TTC7A: variants seen among roughly 807,000 people sequenced by gnomAD.
TTC7A encodes the protein tetratricopeptide repeat domain 7A, also known as tetratricopeptide repeat protein 7A.
A neutral mutation model predicts 103.7 loss-of-function variants in TTC7A; 110 were observed. The observed-to-expected ratio is 1.06, with a 90% CI of 0.91 to 1.24. TTC7A has a LOEUF of 1.24. TTC7A is among the 50% of genes most tolerant of loss of function. TTC7A has a pLI of 0.00. For synonymous variants in TTC7A, 521 were observed against 467.9 expected (o/e 1.11, Z -1.47); for missense variants, 1,340 against 1,116.3 (o/e 1.20, Z -2.86).
intron 15 of TTC7A, among the ~76,000 whole-genome samples, chr2:47,031,005 G>A (rs937192055): frequency 1.6e-4 from 25 of 152,152 alleles, no homozygotes; most frequent in African/African-American, 5.8e-4. Context: ...AAATTAGCTC[G>A]GTGTGATGGC....
intron 2 of TTC7A, among the ~76,000 whole-genome samples, chr2:46,926,847 T>C (rs1669409521): frequency 6.6e-6 from 1 of 152,242 alleles, no homozygotes; most frequent in African/African-American, 2.4e-5. Context: ...TGTTAAACAC[T>C]GCTTACTATC....
At chr2:46,939,281 G>A (rs1438291552), upstream of TTC7A, among the ~76,000 whole-genome samples, 1 of 151,634 alleles carries the variant, frequency 6.6e-6, no homozygotes, top group East Asian at 2.0e-4. Flanking sequence ...TTGGCCAGGC[G>A]CAGTGGCTCA....
At chr2:47,005,742 CT>C (rs759606342) in intron 8 of TTC7A, among the ~76,000 whole-genome samples, 179 bp from the exon 9 acceptor site, 2 of 152,160 alleles carry the variant, frequency 1.3e-5, no homozygotes, top group Non-Finnish European at 2.9e-5. Context: ...GATTTTCTCT[CT>C]TGGAGAGGGC....
At chr2:46,977,852 C>T (rs965193988) in intron 4 of TTC7A, among the ~76,000 whole-genome samples, 5 of 152,192 alleles carry the variant, frequency 3.3e-5, no homozygotes, top group African/African-American at 7.2e-5. Context: ...GGATTATAAA[C>T]GTGAGCCACC....
In TTC7A at chr2:47,005,900, CCAAA is replaced by C. The variant is rs781771977; in HGVS notation, c.1066-18_1066-15del. On this transcript the variant is annotated intron_variant, in intron 8 of 19. Coordinates refer to ENST00000319190, the MANE Select transcript of TTC7A (RefSeq NM_020458.4). ...GCTTATCTACTCTCCTCACTCTTTC[CCAAA>C]CAATGTCCCACCCACAGGCAACTCG... The C allele has an allele frequency of 3.1e-6, 5 of 1,613,654 alleles. No homozygotes were observed. The African/African-American group carries it at 4.0e-5, about 13-fold the overall frequency.
chr2:47,005,530 C>G (rs979486201), intron 8 of TTC7A, among the ~76,000 whole-genome samples: 13 of 152,232 alleles, frequency 8.5e-5, no homozygotes, highest in African/African-American at 3.1e-4. Flanking sequence ...AGACATGGCA[C>G]CTGAATACAA....
rs80277650 is a variant in TTC7A, at chr2:47,042,602, C to T, written c.1803-3713C>T. Among the ~76,000 whole-genome samples, 1,116 of 152,054 alleles carry T rather than the reference C, an allele frequency of 7.3e-3. 15 individuals are homozygous for T. Among genetic ancestry groups the T allele is most frequent in the African/African-American group, 0.025 (1,050 of 41,460 alleles). On this transcript the variant is annotated intron_variant, in intron 15 of 19. Coordinates refer to ENST00000319190, the MANE Select transcript of TTC7A (RefSeq NM_020458.4). ...TAACCAACTCAAAATATAAAATATG[C>T]CAAAGTATATTTTGGGGTGGCATAT...
chr2:46,932,896 A>G (rs994607183), intron 2 of TTC7A, among the ~76,000 whole-genome samples: 38 of 145,422 alleles, frequency 2.6e-4, no homozygotes, highest in Non-Finnish European at 4.7e-4. Context: ...GTGAGACTCC[A>G]TCTCAAAAAA....
chr2:47,051,986 T>C (rs939429961), intron 18 of TTC7A, 106 bp downstream of exon 18: 1 of 1,420,984 alleles, frequency 7.0e-7, no homozygotes, highest in Admixed American at 2.2e-5. Flanking sequence ...GACACCTTGC[T>C]AGGCCCACGC....
rs1482937341 is a variant in TTC7A, at chr2:47,049,985, C to T, written c.1956C>T (p.Leu652=). The change falls in exon 17 of 20, where the codon CTC becomes CTT. Residue 652 remains leucine, a synonymous_variant. Coordinates refer to ENST00000319190, the MANE Select transcript of TTC7A (RefSeq NM_020458.4). ...LEKDGSFGEG[L]TMKKQSGMHL... Reference sequence around the variant, plus strand: ...AGGATGGCAGCTTCGGTGAGGGCCTCACCATGAAGAAGCAGAGTGGCATGC... The same window carrying T: ...AGGATGGCAGCTTCGGTGAGGGCCTTACCATGAAGAAGCAGAGTGGCATGC... 4 of 1,614,080 alleles carry T rather than the reference C, an allele frequency of 2.5e-6. No individual in the cohort carries two copies. Among genetic ancestry groups the T allele is most frequent in the Admixed American group, 3.3e-5 (2 of 60,008 alleles).
chr2:46,980,216 CTTT>C (rs5830931), intron 5 of TTC7A, among the ~76,000 whole-genome samples: 33 of 124,092 alleles, frequency 2.7e-4, no homozygotes, highest in Middle Eastern at 4.5e-3. Flanking sequence ...TACTCTCTCT[CTTT>C]TTTTTTTTTT....
intron 19 of TTC7A, among the ~76,000 whole-genome samples, chr2:47,062,404 G>T (rs1490533754): frequency 3.3e-5 from 5 of 152,226 alleles, no homozygotes; most frequent in Non-Finnish European, 5.9e-5. Context: ...ATACACCCTT[G>T]TCCATGTTCC....
chr2:47,060,318 T>A (rs1201459954), intron 18 of TTC7A, among the ~76,000 whole-genome samples: 1 of 152,056 alleles, frequency 6.6e-6, no homozygotes, highest in Non-Finnish European at 1.5e-5. Context: ...TACAGTGAGC[T>A]GAGATCGCGC....
chr2:46,991,356 C>A (rs1317790732), intron 5 of TTC7A, among the ~76,000 whole-genome samples: 1 of 151,154 alleles, frequency 6.6e-6, no homozygotes, highest in South Asian at 2.1e-4. Flanking sequence ...TCTGGCCAGG[C>A]GTGGTGGTGG....
At chr2:46,924,310 C>T (rs1669275866) in intron 2 of TTC7A, among the ~76,000 whole-genome samples, 1 of 151,694 alleles carries the variant, frequency 6.6e-6, no homozygotes, top group African/African-American at 2.4e-5. Context: ...GGTATCAGCT[C>T]ATCAACATTC....
intron 19 of TTC7A, among the ~76,000 whole-genome samples, chr2:47,071,698 G>C: frequency 6.6e-6 from 1 of 152,042 alleles, no homozygotes; most frequent in Non-Finnish European, 1.5e-5. Flanking sequence ...CCTCCCTACA[G>C]ACACACACAG....
chr2:46,921,536 T>A (rs1669102667), intron 2 of TTC7A, among the ~76,000 whole-genome samples: 1 of 152,206 alleles, frequency 6.6e-6, no homozygotes, highest in Non-Finnish European at 1.5e-5. Flanking sequence ...TACTCTTTTG[T>A]CTCTTGTCAA....
chr2:47,006,136 C>A, intron 9 of TTC7A, 77 bp downstream of exon 9: 2 of 1,552,910 alleles, frequency 1.3e-6, no homozygotes, highest in Non-Finnish European at 1.7e-6. Flanking sequence ...AGCCATTTGT[C>A]CCTTCTCCAC....
intron 15 of TTC7A, among the ~76,000 whole-genome samples, chr2:47,041,054 A>G (rs1268611756): frequency 3.9e-5 from 6 of 152,170 alleles, no homozygotes; most frequent in Non-Finnish European, 7.3e-5. Context: ...GGCCTTGCCC[A>G]GTGACTGTCC....
Sources: allele counts gnomAD v4.1 joint callset (sites outside exome capture counted in the v4.1 genomes callset), GRCh38; gene constraint gnomAD v4.1.1; transcripts MANE v1.5; gene names NCBI Gene and HGNC (gene_info 2026-07-23, HGNC 2026-07-21).